The following PDE1A variants were observed in gnomAD, a reference collection of about 807,000 sequenced individuals.
PDE1A encodes dual specificity calcium/calmodulin-dependent 3',5'-cyclic nucleotide phosphodiesterase 1A.
PDE1A carries 35 observed loss-of-function variants against 61.7 expected under a neutral mutation model. That is an observed-to-expected ratio of 0.57 (90% CI 0.43 to 0.75). PDE1A has a LOEUF of 0.75. Ranked by LOEUF, PDE1A falls within the 30% of genes least tolerant of loss-of-function variation. The pLI is 0.00. For missense variants in PDE1A, 597 were observed against 630.6 expected, an observed-to-expected ratio of 0.95 and a Z score of 0.57; for synonymous variants, 232 against 213.2, an observed-to-expected ratio of 1.09 and a Z score of -0.77.
intron 2 of PDE1A, among the ~76,000 whole-genome samples, chr2:182,466,794 G>C (rs1364906919): frequency 6.6e-6 from 1 of 151,998 alleles, no homozygotes; most frequent in East Asian, 1.9e-4. Context: ...TGGAAGTGTT[G>C]GTTAGAGTTG....
chr2:182,508,795 TTTTA>T (rs1363789181), intron 2 of PDE1A, among the ~76,000 whole-genome samples: 3 of 146,146 alleles, frequency 2.1e-5, no homozygotes, highest in Non-Finnish European at 4.5e-5. Flanking sequence ...TTTTATTTTA[TTTTA>T]TTTTATTTTT....
intron 2 of PDE1A, among the ~76,000 whole-genome samples, chr2:182,498,875 C>T (rs1440246605): frequency 6.6e-6 from 1 of 151,678 alleles, no homozygotes; most frequent in African/African-American, 2.4e-5. Flanking sequence ...ACCCGGAAGG[C>T]GGAGTTCGCA....
chr2:182,265,866 T>A (rs944130129), intron 1 of PDE1A, among the ~76,000 whole-genome samples: 1 of 152,206 alleles, frequency 6.6e-6, no homozygotes, highest in East Asian at 1.9e-4. Flanking sequence ...TCCATTCTAT[T>A]CAGAGGTATT....
chr2:182,386,825 G>A (rs368236719), intron 1 of PDE1A, among the ~76,000 whole-genome samples: 21 of 147,994 alleles, frequency 1.4e-4, no homozygotes, highest in South Asian at 4.4e-4. Context: ...CCCGGCCGCC[G>A]CCCCGTCTGG....
chr2:182,203,132 G>A (rs1284419582), intron 8 of PDE1A, among the ~76,000 whole-genome samples: 1 of 152,042 alleles, frequency 6.6e-6, no homozygotes, highest in African/African-American at 2.4e-5. Context: ...TGGCTAACAC[G>A]GTGAAACCCC....
the PDE1A span, among the ~76,000 whole-genome samples, chr2:182,534,285 T>C: frequency 6.6e-6 from 1 of 152,030 alleles, no homozygotes; most frequent in Non-Finnish European, 1.5e-5. Flanking sequence ...TTTTCCTTTG[T>C]TATAAAGAAT....
intron 11 of PDE1A, among the ~76,000 whole-genome samples, chr2:182,188,631 C>A (rs1447124770): frequency 6.6e-6 from 1 of 152,216 alleles, no homozygotes; most frequent in Non-Finnish European, 1.5e-5. Flanking sequence ...AGTGCACTAA[C>A]ATTTTCATTG....
the PDE1A span, among the ~76,000 whole-genome samples, chr2:182,640,412 G>A: frequency 3.3e-5 from 5 of 152,138 alleles, no homozygotes; most frequent in Admixed American, 3.3e-4. Flanking sequence ...ATCAAAACAG[G>A]AAGGGCATTA....
At chr2:182,545,029 T>C in the PDE1A span, among the ~76,000 whole-genome samples, 1 of 152,222 alleles carries the variant, frequency 6.6e-6, no homozygotes, top group African/African-American at 2.4e-5. Flanking sequence ...GTGTGCTTCT[T>C]TTTATCCTTT....
At chr2:182,228,425 G>C (rs977376358) in intron 6 of PDE1A, among the ~76,000 whole-genome samples, 15 of 152,090 alleles carry the variant, frequency 9.9e-5, no homozygotes, top group African/African-American at 3.4e-4. Context: ...CCCTGAAATA[G>C]CAGGGCATCA....
At chr2:182,693,893 C>A in the PDE1A span, among the ~76,000 whole-genome samples, 8 of 152,094 alleles carry the variant, frequency 5.3e-5, no homozygotes, top group Admixed American at 5.2e-4. Flanking sequence ...GTGATCCGCC[C>A]GCCTTAGGCT....
intron 1 of PDE1A, among the ~76,000 whole-genome samples, chr2:182,269,051 T>A (rs1179783619): frequency 6.6e-6 from 1 of 152,122 alleles, no homozygotes; most frequent in East Asian, 1.9e-4. Context: ...TAGACAAAAA[T>A]GTTGATTGTT....
chr2:182,173,662 A>G (rs1465702885), intron 13 of PDE1A, among the ~76,000 whole-genome samples: 1 of 150,114 alleles, frequency 6.7e-6, no homozygotes, highest in Non-Finnish European at 1.5e-5. Context: ...AGAGAATGAT[A>G]GCAAGCTCTA....
intron 1 of PDE1A, among the ~76,000 whole-genome samples, chr2:182,408,636 C>T (rs1187101092): frequency 1.3e-5 from 2 of 152,110 alleles, no homozygotes; most frequent in Non-Finnish European, 2.9e-5. Context: ...GTTAAATTAG[C>T]GTGCAGTGTC....
chr2:182,489,686 A>C (rs1413011704), intron 2 of PDE1A, among the ~76,000 whole-genome samples: 1 of 152,200 alleles, frequency 6.6e-6, no homozygotes, highest in African/African-American at 2.4e-5. Flanking sequence ...GACAGAATGG[A>C]GTTGTCATTG....
chr2:182,218,354 G>A (rs1315178048), intron 7 of PDE1A, among the ~76,000 whole-genome samples: 1 of 150,990 alleles, frequency 6.6e-6, no homozygotes, highest in Non-Finnish European at 1.5e-5. Flanking sequence ...CACCAGCATG[G>A]CACATGTATA....
intron 1 of PDE1A, among the ~76,000 whole-genome samples, chr2:182,344,495 G>A (rs1413720387): frequency 2.6e-5 from 4 of 152,042 alleles, no homozygotes; most frequent in Non-Finnish European, 5.9e-5. Flanking sequence ...TCAGAGCAGA[G>A]CATTCGACTC....
intron 13 of PDE1A, among the ~76,000 whole-genome samples, chr2:182,180,637 G>T (rs1214003089): frequency 1.3e-5 from 2 of 152,030 alleles, no homozygotes; most frequent in African/African-American, 4.8e-5. Context: ...GGCCTGTCTT[G>T]CTAGGTTGGG....
intron 6 of PDE1A, among the ~76,000 whole-genome samples, chr2:182,226,570 A>C (rs1359251317): frequency 1.3e-5 from 2 of 149,620 alleles, no homozygotes; most frequent in Admixed American, 1.3e-4. Flanking sequence ...CTGGTATCAG[A>C]AGGAATTCTA....
Sources: allele counts gnomAD v4.1 joint callset (sites outside exome capture counted in the v4.1 genomes callset), GRCh38; gene constraint gnomAD v4.1.1; transcripts MANE v1.5; gene names NCBI Gene and HGNC (gene_info 2026-07-23, HGNC 2026-07-21).